Variants in RNF213 observed in about 807,000 individuals in gnomAD.
The protein encoded by RNF213 is ring finger protein 213, also known as E3 ubiquitin-protein ligase RNF213.
In RNF213, 341 loss-of-function variants were observed where a neutral mutation model predicts 514.4. That is an observed-to-expected ratio of 0.66 (90% confidence interval 0.61 to 0.73). The LOEUF (loss-of-function observed/expected upper bound fraction) is 0.73. RNF213 is among the 30% of genes least tolerant of loss of function. The pLI is 0.00. For synonymous variants in RNF213, 2,655 were observed against 2,658.2 expected (o/e 1.00, Z 0.04); for missense variants, 5,767 against 6,615.6 (o/e 0.87, Z 4.45).
intron 5 of RNF213, 146 bp from the exon 6 acceptor site, chr17:80,289,513 C>A: frequency 1.2e-6 from 1 of 826,806 alleles, no homozygotes. Context: ...TTGCTTGAGC[C>A]TGGGAGGCGG....
intron 32 of RNF213, chr17:80,352,434 G>A (rs1333546516): frequency 1.3e-5 from 5 of 386,378 alleles, no homozygotes; most frequent in East Asian, 5.1e-5. Flanking sequence ...GCACCGATAC[G>A]CCTGTTTGGC....
chr17:80,279,846 CAT>C (rs2044196486), intron 3 of RNF213, among the ~76,000 whole-genome samples: 1 of 152,176 alleles, frequency 6.6e-6, no homozygotes, highest in Admixed American at 6.5e-5. Context: ...TTAGGTAACA[CAT>C]GTAATGAAAG....
At chr17:80,369,959 T>C in intron 46 of RNF213, 92 bp downstream of exon 46, 2 of 876,796 alleles carry the variant, frequency 2.3e-6, no homozygotes, top group East Asian at 2.4e-5. Context: ...TCGTGACTAG[T>C]AGCTAGTACA....
rs752548047 is a variant in RNF213, at chr17:80,278,811, C to G, written c.261+5407C>G. The G allele has an allele frequency of 5.6e-5, 86 of 1,537,044 alleles. No homozygotes were observed. In the South Asian group the frequency reaches 9.9e-4, roughly 18 times the overall value. On this transcript the variant is annotated intron_variant, in intron 3 of 67. Transcript: ENST00000582970. ...TAGATGCTGCTGTAGACCTCATATC[C>G]GATGAATGGGAAGCTGCTAATGCCA...
intron 32 of RNF213, 147 bp from the exon 33 acceptor site, chr17:80,352,793 C>T (rs889562301): frequency 2.4e-6 from 3 of 1,233,248 alleles, no homozygotes; most frequent in Admixed American, 3.4e-5. Flanking sequence ...TCTGCGCAGG[C>T]CCATTCCAGG....
At chr17:80,261,316 C>T (rs957761302) in intron 1 of RNF213, among the ~76,000 whole-genome samples, 2 of 152,242 alleles carry the variant, frequency 1.3e-5, no homozygotes, top group Admixed American at 6.5e-5. Context: ...ATGGCAACAA[C>T]GGAAAAGTGA....
intron 64 of RNF213, 116 bp from the exon 65 acceptor site, chr17:80,389,055 TAG>T (rs2080355132): frequency 5.2e-6 from 5 of 961,218 alleles, no homozygotes; most frequent in Non-Finnish European, 8.2e-6. Context: ...TGTCAGCTGT[TAG>T]AGAGTTGGCC....
chr17:80,355,286 G>A (rs1398436910), intron 36 of RNF213: 2 of 450,340 alleles, frequency 4.4e-6, no homozygotes, highest in Non-Finnish European at 8.9e-6. Flanking sequence ...AGCCAGGTGT[G>A]ATCTGCAGGA....
At chr17:80,309,506 C>G (rs2045492032) in intron 14 of RNF213, among the ~76,000 whole-genome samples, 1 of 152,188 alleles carries the variant, frequency 6.6e-6, no homozygotes, top group Admixed American at 6.5e-5. Context: ...GACGACTTTT[C>G]TTTTTTCTTG....
chr17:80,338,215 G>C (rs898030731), intron 25 of RNF213, among the ~76,000 whole-genome samples: 1 of 152,152 alleles, frequency 6.6e-6, no homozygotes, highest in African/African-American at 2.4e-5. Context: ...AGGCCCCTGG[G>C]TTAGCAGTCC....
At chr17:80,276,046 C>T (rs1209831137) in intron 3 of RNF213, among the ~76,000 whole-genome samples, 1 of 151,432 alleles carries the variant, frequency 6.6e-6, no homozygotes. Context: ...TGGCAACAAG[C>T]CAAAGGAACA....
intron 3 of RNF213, among the ~76,000 whole-genome samples, chr17:80,283,920 C>T (rs2039016759): frequency 1.3e-5 from 2 of 152,180 alleles, no homozygotes; most frequent in South Asian, 4.1e-4. Flanking sequence ...ATTATTTTAA[C>T]CATTAGAAAT....
intron 17 of RNF213, among the ~76,000 whole-genome samples, chr17:80,321,872 T>C (rs1427935036): frequency 1.3e-5 from 2 of 152,070 alleles, no homozygotes; most frequent in African/African-American, 4.8e-5. Context: ...ACTACAGGCA[T>C]GTGCCACCAT....
Position 80,393,246 on chromosome 17 carries a change from GC to G in RNF213, c.15471-98del, listed in dbSNP as rs1396004309. The G allele has an allele frequency of 4.0e-6, 4 of 1,006,704 alleles. No homozygotes were observed. The Admixed American group carries it at 5.9e-5, about 15-fold the overall frequency. The allele number at this position is 1,006,704 out of a possible 1,614,324, so 62.4% of individuals were successfully genotyped here. ...CCCACCCACCTCAGCCTCCCACAGT[GC>G]TGGGCTTACACACGTGAGCCACACA... On this transcript the variant is annotated intron_variant, in intron 67 of 67. Coordinates refer to ENST00000582970, the MANE Select transcript of RNF213 (RefSeq NM_001256071.3).
At position 80,268,375 on chromosome 17, in the gene RNF213, AAAAAG is replaced by A. The variant is rs1158349573; in HGVS notation, c.97+4598_97+4602del. 6.7e-3 allele frequency among the ~76,000 whole-genome samples: 943 copies of A among 140,098 alleles called. 15 individuals carry two copies. Among genetic ancestry groups the A allele is most frequent in the African/African-American group, 0.026 (867 of 33,804 alleles). The allele number at this position is 140,098 out of a possible 152,430, so 91.9% of individuals were successfully genotyped here. A position where few individuals can be genotyped will look rare whatever the true frequency, so the allele number is the denominator to read the frequency against. ...CTCAGAAAAAAAAAAAAAAAAAAAA[AAAAAG>A]GCAGTACTGCATCCCCGGAGGGACT... is the stretch of plus-strand genomic sequence containing the variant. On this transcript the variant is annotated intron_variant, in intron 2 of 67. Transcript: ENST00000582970.
At chr17:80,299,534 GTTTATTTATTTATTTA>G (rs149502065) in intron 11 of RNF213, among the ~76,000 whole-genome samples, 1 of 149,864 alleles carries the variant, frequency 6.7e-6, no homozygotes, top group East Asian at 2.0e-4. Flanking sequence ...ACCAGAGAAA[GTTTATTTATTTATTTA>G]TTTATTTATT....
rs2045973056 is a variant in RNF213 at position 80,317,107 on chromosome 17, GCT to G, written c.2812-78_2812-77del. The G allele has an allele frequency of 6.9e-7, 1 of 1,454,196 alleles. No individual in the cohort carries two copies. The allele number at this position is 1,454,196 out of a possible 1,614,324, so 90.1% of individuals were successfully genotyped here. Reference sequence around the variant, plus strand: ...CCCGCGCTCTCTGTATTGCCGTAATGCTCTGTCTTTCTCCTTTCATGGGAGTG... The same window carrying G: ...CCCGCGCTCTCTGTATTGCCGTAATGCTGTCTTTCTCCTTTCATGGGAGTG... On this transcript the variant is annotated intron_variant, in intron 15 of 67. Coordinates refer to ENST00000582970, the MANE Select transcript of RNF213 (RefSeq NM_001256071.3). This position sits in a 1 kb window ranked among gnomAD's most constrained non-coding sequence, Gnocchi z 4.1.
intron 46 of RNF213, among the ~76,000 whole-genome samples, chr17:80,370,630 T>C (rs1165043123): frequency 1.3e-5 from 2 of 152,196 alleles, no homozygotes; most frequent in Non-Finnish European, 2.9e-5. Flanking sequence ...AGGATTTGAC[T>C]TTTCAACGTT....
intron 17 of RNF213, chr17:80,321,076 G>A (rs981874418): frequency 6.6e-6 from 1 of 152,220 alleles, no homozygotes; most frequent in African/African-American, 2.4e-5. Flanking sequence ...GAGACCAGAA[G>A]TGTTTTGGAT....
Sources: gnomAD v4.1 joint callset for allele counts (sites outside exome capture counted in the v4.1 genomes callset) on GRCh38, gnomAD v4.1.1 for gene constraint, Gnocchi (gnomAD v3.1) non-coding constraint, MANE v1.5 for transcripts, NCBI Gene and HGNC (gene_info 2026-07-23, HGNC 2026-07-21) for gene names.